The following RPS6KA3 variants were observed in gnomAD, a reference collection of about 807,000 sequenced individuals.
RPS6KA3 encodes ribosomal protein S6 kinase alpha-3.
A neutral mutation model predicts 67.2 loss-of-function variants in RPS6KA3; 4 were observed. The ratio of observed to expected loss-of-function variants is 0.06; its 90% confidence interval spans 0.03 to 0.14. The LOEUF (loss-of-function observed/expected upper bound fraction) is 0.14, where lower values mean the gene tolerates loss of function less well. Among genes scored for constraint, RPS6KA3 ranks in the 10% least tolerant of loss-of-function variants. RPS6KA3 has a pLI of 1.00. For missense variants in RPS6KA3, 204 were observed against 559.0 expected, an observed-to-expected ratio of 0.36 and a Z score of 6.40; for synonymous variants, 182 against 183.7, an observed-to-expected ratio of 0.99 and a Z score of 0.07.
At chrX:20,233,547 T>A (rs757720956) in intron 2 of RPS6KA3, among the ~76,000 whole-genome samples, 19 of 110,474 alleles carry the variant, frequency 1.7e-4, no homozygotes, top group Non-Finnish European at 3.0e-4. Flanking sequence ...AAGACCAGCC[T>A]GGGCAACATA....
chrX:20,236,021 AAGAC>A (rs755394460), intron 1 of RPS6KA3, among the ~76,000 whole-genome samples: 1 of 111,630 alleles, frequency 9.0e-6, no homozygotes, highest in African/African-American at 3.3e-5. Flanking sequence ...TTGACATAGA[AAGAC>A]AGTCACATGT....
At chrX:20,159,496 C>T (rs376274264) in intron 20 of RPS6KA3, among the ~76,000 whole-genome samples, 1 of 112,109 alleles carries the variant, frequency 8.9e-6, no homozygotes, top group Admixed American at 9.5e-5. Context: ...CTTGTAATCA[C>T]AAGTCTTAAC....
At chrX:20,212,784 A>C (rs768166617) in intron 2 of RPS6KA3, among the ~76,000 whole-genome samples, 68 of 111,431 alleles carry the variant, frequency 6.1e-4, no homozygotes, top group Non-Finnish European at 1.1e-3. Flanking sequence ...CTTCAGTATA[A>C]CAACCACATA....
intron 1 of RPS6KA3, among the ~76,000 whole-genome samples, chrX:20,254,590 C>T (rs1045287721): frequency 1.8e-5 from 2 of 111,848 alleles, no homozygotes; most frequent in African/African-American, 3.3e-5. Context: ...CTTAAAAGCA[C>T]GTATTGAAAC....
intron 12 of RPS6KA3, 24 bp from the exon 13 acceptor site, chrX:20,176,376 C>T: frequency 1.8e-6 from 2 of 1,120,457 alleles, no homozygotes; most frequent in South Asian, 1.8e-5. Context: ...AAAAAAGAGA[C>T]TTAGACATAT....
chrX:20,249,997 G>C (rs926243335), intron 1 of RPS6KA3, among the ~76,000 whole-genome samples: 2 of 112,167 alleles, frequency 1.8e-5, no homozygotes, highest in African/African-American at 6.5e-5. Flanking sequence ...AGACACCATT[G>C]TTGAAAAGGC....
rs1429969884 is a variant in RPS6KA3, at chrX:20,246,500, T to G, written c.70-11686A>C. On this transcript the variant is annotated intron_variant, in intron 1 of 21. Transcript: ENST00000379565. ...CTGGATAACCCTTTAATATATTACT[T>G]GGGTTGGCTAATTCAGGGGTCCTAC... Among the ~76,000 whole-genome samples the G allele has an allele frequency of 2.7e-5, 3 of 111,351 alleles. No homozygotes were observed. The Admixed American group carries it at 2.9e-4, about 11-fold the overall frequency.
At chrX:20,177,180 A>T in intron 10 of RPS6KA3, 96 bp from the exon 11 acceptor site, 1 of 591,907 alleles carries the variant, frequency 1.7e-6, no homozygotes. Context: ...ATACTTGTAG[A>T]TTCACACTCA....
At chrX:20,206,163 T>C (rs1330811747) in intron 3 of RPS6KA3, among the ~76,000 whole-genome samples, 1 of 111,885 alleles carries the variant, frequency 8.9e-6, no homozygotes, top group Non-Finnish European at 1.9e-5. Flanking sequence ...CACCAGAGCA[T>C]TTCTGACCTT....
At chrX:20,155,626 T>G in intron 21 of RPS6KA3, 106 bp from the exon 22 acceptor site, 1 of 970,878 alleles carries the variant, frequency 1.0e-6, no homozygotes, top group Middle Eastern at 2.9e-4. Context: ...ATAGATTTTA[T>G]TTGGTTCATA....
In RPS6KA3 at chrX:20,156,269, A is replaced by G. The variant is rs2067185674; in HGVS notation, c.1960-20T>C. The G allele has an allele frequency of 8.3e-7, 1 of 1,201,218 alleles. No individual in the cohort carries two copies. The highest frequency in any genetic ancestry group is 1.8e-5 in the African/African-American group (1 of 56,494). On this transcript the variant is annotated intron_variant, in intron 20 of 21. Coordinates refer to ENST00000379565, the MANE Select transcript of RPS6KA3 (RefSeq NM_004586.3). The stretch of plus-strand genomic sequence containing the variant: ...CAGGTCCTGTAATGGGAATAATAAA[A>G]CAAGCTTAAACCTTTTGTTTTGCTT...
chrX:20,237,517 G>A (rs192154622), intron 1 of RPS6KA3, among the ~76,000 whole-genome samples: 4 of 111,653 alleles, frequency 3.6e-5, no homozygotes, highest in African/African-American at 9.7e-5. Flanking sequence ...CAAGGATAGA[G>A]CCCTAGGCTG....
intron 2 of RPS6KA3, among the ~76,000 whole-genome samples, chrX:20,213,702 TATA>T (rs2068775245): frequency 1.9e-5 from 2 of 107,545 alleles, no homozygotes; most frequent in Non-Finnish European, 3.9e-5. Flanking sequence ...AAACTTAAAG[TATA>T]ATAATAGAAT....
intron 1 of RPS6KA3, among the ~76,000 whole-genome samples, chrX:20,250,458 G>C (rs1482719476): frequency 8.9e-6 from 1 of 111,835 alleles, no homozygotes; most frequent in Non-Finnish European, 1.9e-5. Flanking sequence ...GCCTCCCAAG[G>C]TGCTGGGACT....
At chrX:20,250,127 T>G (rs1223556961) in intron 1 of RPS6KA3, among the ~76,000 whole-genome samples, 1 of 112,067 alleles carries the variant, frequency 8.9e-6, no homozygotes, top group African/African-American at 3.2e-5. Context: ...TGTATCCCCT[T>G]GCCAATACTA....
At chrX:20,164,854 G>A in intron 18 of RPS6KA3, 45 bp downstream of exon 18, 4 of 1,027,377 alleles carry the variant, frequency 3.9e-6, no homozygotes, top group Non-Finnish European at 5.5e-6. Flanking sequence ...TAGTGAATGA[G>A]TTTTAAAACA....
intron 7 of RPS6KA3, among the ~76,000 whole-genome samples, chrX:20,190,897 T>A (rs1433046750): frequency 9.1e-6 from 1 of 109,599 alleles, no homozygotes; most frequent in Non-Finnish European, 1.9e-5. Context: ...ATGCTTTAGG[T>A]TCTAGGATAC....
Position 20,150,291 on chromosome X carries a change from T to C in RPS6KA3, c.*5107A>G, listed in dbSNP as rs2067082114. 1 of 112,765 alleles carries C rather than the reference T, an allele frequency of 8.9e-6. No homozygotes were observed. Among genetic ancestry groups the C allele is most frequent in the South Asian group, 3.6e-4 (1 of 2,794 alleles). 9.3% of individuals were successfully genotyped at this position (112,765 alleles called of 1,213,427 possible). Reference sequence around the variant, plus strand: ...GATCATATATAACAGTAGAAAAATATTTGTGATTTTTTTCTTTTTTAAAAA... The same window carrying C: ...GATCATATATAACAGTAGAAAAATACTTGTGATTTTTTTCTTTTTTAAAAA... On this transcript the variant is annotated 3_prime_UTR_variant, in exon 22 of 22. Transcript: ENST00000379565.
chrX:20,242,703 G>A (rs1156809422), intron 1 of RPS6KA3, among the ~76,000 whole-genome samples: 3 of 112,277 alleles, frequency 2.7e-5, no homozygotes, highest in Non-Finnish European at 5.6e-5. Flanking sequence ...GAAGTGGCTT[G>A]CTGGATATTA....
Sources: gnomAD v4.1 joint callset for allele counts (sites outside exome capture counted in the v4.1 genomes callset) on GRCh38, gnomAD v4.1.1 for gene constraint, MANE v1.5 for transcripts, NCBI Gene and HGNC (gene_info 2026-07-23, HGNC 2026-07-21) for gene names.